Variants in PHACTR2 observed in about 807,000 individuals in gnomAD.
The protein encoded by PHACTR2 is phosphatase and actin regulator 2.
In PHACTR2, 30 loss-of-function variants were observed where a neutral mutation model predicts 76.0. The observed-to-expected ratio is 0.39, with a 90% CI of 0.30 to 0.54. The LOEUF (loss-of-function observed/expected upper bound fraction) is 0.54. Ranked by LOEUF, PHACTR2 falls within the 20% of genes least tolerant of loss-of-function variation. PHACTR2 has a pLI of 0.61. For missense variants in PHACTR2, 696 were observed against 781.1 expected (o/e 0.89, Z 1.30); for synonymous variants, 292 against 292.5 (o/e 1.00, Z 0.02).
Position 143,539,282 on chromosome 6 carries a change from G to A in PHACTR2, c.217+2075G>A, listed in dbSNP as rs943738276. ...TTTCAGCTCAGTTGTCCCATGTGCC[G>A]CAGGATGCTGGCACAGATGTAGAAG... On this transcript the variant is annotated intron_variant, in intron 1 of 11. Coordinates refer to the PHACTR2 transcript ENST00000367584. This position sits in a 1 kb window ranked among gnomAD's most constrained non-coding sequence, Gnocchi z 4.3. 8.5e-5 allele frequency among the ~76,000 whole-genome samples: 13 copies of A among 152,194 alleles called. No homozygotes were observed. The highest frequency in any genetic ancestry group is 1.7e-4 in the African/African-American group (7 of 41,440).
chr6:143,610,848 A>T lies in PHACTR2; in HGVS notation c.13+2526A>T, dbSNP rs59308486. Reference sequence around the variant, plus strand: ...GGAATAACAATAAAATATTTATCAAACTGTGTGTGTGGAATATGTCAGGGC... The same window carrying T: ...GGAATAACAATAAAATATTTATCAATCTGTGTGTGTGGAATATGTCAGGGC... On this transcript the variant is annotated intron_variant, in intron 1 of 11. Transcript: ENST00000305766. The surrounding 1 kb of genome is among the most constrained non-coding windows in gnomAD (Gnocchi z 4.9). Among the ~76,000 whole-genome samples the T allele has an allele frequency of 0.056, 8,475 of 152,046 alleles. 811 individuals carry two copies. Among genetic ancestry groups the T allele is most frequent in the African/African-American group, 0.19 (7,993 of 41,414 alleles).
At chr6:143,773,988 G>A (rs565712258) in intron 7 of PHACTR2, 71 bp from the exon 8 acceptor site, 7 of 1,339,668 alleles carry the variant, frequency 5.2e-6, no homozygotes, top group African/African-American at 2.9e-5. Flanking sequence ...TAAAGTCCAT[G>A]CCATGTGTAA....
Position 143,578,013 on chromosome 6 carries a change from T to C in PHACTR2, c.217+40806T>C, listed in dbSNP as rs1162830054. ...TGTCTAAATCTGGTCCAAGACACTC[T>C]ATCCCCCGTTCGTTTGCCAACACCT... On this transcript the variant is annotated intron_variant, in intron 1 of 11. Transcript: ENST00000367584. The surrounding 1 kb of genome is among the most constrained non-coding windows in gnomAD (Gnocchi z 4.5). Among the ~76,000 whole-genome samples, 3 of 152,224 alleles carry C rather than the reference T, an allele frequency of 2.0e-5. No individual in the cohort carries two copies. The highest frequency in any genetic ancestry group is 7.2e-5 in the African/African-American group (3 of 41,454).
rs1775660028 is a variant in PHACTR2, at chr6:143,589,041, C to T, written c.217+51834C>T. ...TCGTATGAGTTTGCTAGAGCTGCCA[C>T]AACAAAATGCCACAGATTGGGTGGC... On this transcript the variant is annotated intron_variant, in intron 1 of 11. Coordinates refer to the PHACTR2 transcript ENST00000367584. The surrounding 1 kb of genome is among the most constrained non-coding windows in gnomAD (Gnocchi z 4.4). Among the ~76,000 whole-genome samples the T allele has an allele frequency of 6.6e-6, 1 of 152,220 alleles. No individual in the cohort carries two copies. Among genetic ancestry groups the T allele is most frequent in the South Asian group, 2.1e-4 (1 of 4,836 alleles).
Position 143,624,263 on chromosome 6 carries a change from C to T in PHACTR2, c.13+15941C>T, listed in dbSNP as rs1776214643. On this transcript the variant is annotated intron_variant, in intron 1 of 11. Transcript: ENST00000305766. This position sits in a 1 kb window ranked among gnomAD's most constrained non-coding sequence, Gnocchi z 4.6. ...CTGGGATTACAGGTGCCTGCCACCA[C>T]ACCTGACTAATTTTTGTATTTTTAG... is the stretch of plus-strand genomic sequence containing the variant. 1.3e-5 allele frequency among the ~76,000 whole-genome samples: 2 copies of T among 152,088 alleles called. No homozygotes were observed. The highest frequency in any genetic ancestry group is 4.1e-4 in the South Asian group (2 of 4,828).
chr6:143,615,300 G>T (rs1051252888), intron 1 of PHACTR2, among the ~76,000 whole-genome samples: 1 of 152,122 alleles, frequency 6.6e-6, no homozygotes, highest in Non-Finnish European at 1.5e-5. Context: ...GGGATTCTTG[G>T]TCTTTGTGTT....
Position 143,678,187 on chromosome 6 carries a change from G to T in PHACTR2, c.24G>T (p.Thr8=). The change falls in exon 1 of 13, where the codon ACG becomes ACT. Residue 8 remains threonine (T), a synonymous_variant. Coordinates refer to ENST00000440869, the MANE Select transcript of PHACTR2 (RefSeq NM_001100164.2). The surrounding 1 kb of genome is among the most constrained non-coding windows in gnomAD (Gnocchi z 6.2). MGQTSVS[T]LSPQPGSVDG... is the part of the protein sequence containing the mutation. Reference sequence around the variant, plus strand: ...TCATGGGCCAGACCTCGGTGTCCACGCTGTCCCCGCAGCCCGGCAGCGGTG... The same window carrying T: ...TCATGGGCCAGACCTCGGTGTCCACTCTGTCCCCGCAGCCCGGCAGCGGTG... 6.5e-7 allele frequency: 1 copy of T among 1,538,684 alleles called. No homozygotes were observed.
chr6:143,577,514 G>T (rs1207994291), intron 1 of PHACTR2, among the ~76,000 whole-genome samples: 1 of 152,150 alleles, frequency 6.6e-6, no homozygotes, highest in East Asian at 1.9e-4. Context: ...ACTCCAACCA[G>T]GAGAAATGTG....
intron 4 of PHACTR2, among the ~76,000 whole-genome samples, chr6:143,758,199 C>T (rs891366958): frequency 2.0e-5 from 3 of 152,150 alleles, no homozygotes; most frequent in Non-Finnish European, 2.9e-5. Context: ...TCCGGTATAC[C>T]TTTAGAATTT....
At position 143,765,967 on chromosome 6, in the gene PHACTR2, T is replaced by C. The variant is rs1373951770; in HGVS notation, c.1232+169T>C. Among the ~76,000 whole-genome samples, 5 of 152,358 alleles carry C rather than the reference T, an allele frequency of 3.3e-5. No homozygotes were observed. The South Asian group carries it at 6.2e-4, about 19-fold the overall frequency. On this transcript the variant is annotated intron_variant, in intron 6 of 12. Coordinates refer to ENST00000440869, the MANE Select transcript of PHACTR2 (RefSeq NM_001100164.2). The surrounding 1 kb of genome is among the most constrained non-coding windows in gnomAD (Gnocchi z 4.1). Reference sequence around the variant, plus strand: ...CTTTGTCAGAGCCCTGCCCTGGGAATGCCTAGGGCTGCTGGAGAAAATTAC... The same window carrying C: ...CTTTGTCAGAGCCCTGCCCTGGGAACGCCTAGGGCTGCTGGAGAAAATTAC...
At chr6:143,728,788 A>G (rs1040525260) in intron 2 of PHACTR2, among the ~76,000 whole-genome samples, 2 of 152,150 alleles carry the variant, frequency 1.3e-5, no homozygotes, top group Non-Finnish European at 2.9e-5. Flanking sequence ...TCTAAACACA[A>G]AAGAATGAAA....
In PHACTR2 at chr6:143,780,251, T is replaced by C. The variant is rs113130363; in HGVS notation, c.1645+2868T>C. Among the ~76,000 whole-genome samples, 4,001 of 152,296 alleles carry C rather than the reference T, an allele frequency of 0.026. 131 individuals carry two copies. Among genetic ancestry groups the C allele is most frequent in the African/African-American group, 0.078 (3,227 of 41,544 alleles). On this transcript the variant is annotated intron_variant, in intron 9 of 12. Coordinates refer to ENST00000440869, the MANE Select transcript of PHACTR2 (RefSeq NM_001100164.2). This position sits in a 1 kb window ranked among gnomAD's most constrained non-coding sequence, Gnocchi z 4.4. ...AACATCTTGCTTTATGACATATCTATGCATCTGTTGATCCAGCTTTTTTTA... is the reference window on the plus strand; with the variant it reads ...AACATCTTGCTTTATGACATATCTACGCATCTGTTGATCCAGCTTTTTTTA...
At chr6:143,699,376 AG>A (rs1777848185) in intron 1 of PHACTR2, among the ~76,000 whole-genome samples, 1 of 152,184 alleles carries the variant, frequency 6.6e-6, no homozygotes, top group East Asian at 1.9e-4. Context: ...TAAAACAAAC[AG>A]CAAACAAAAC....
In PHACTR2 at chr6:143,547,641, A is replaced by G. The variant is rs1427215442; in HGVS notation, c.217+10434A>G. On this transcript the variant is annotated intron_variant, in intron 1 of 11. Transcript: ENST00000367584. The surrounding 1 kb of genome is among the most constrained non-coding windows in gnomAD (Gnocchi z 4.2). ...TAATAGCAAGGGTTTGAACAAAATG[A>G]ACAAATTTCTATAGTTAGCAATAGA... Among the ~76,000 whole-genome samples the G allele has an allele frequency of 1.3e-5, 2 of 152,230 alleles. No homozygotes were observed. The highest frequency in any genetic ancestry group is 2.9e-5 in the Non-Finnish European group (2 of 68,040).
rs1335301429 is a variant in PHACTR2 at position 143,639,429 on chromosome 6, T to A, written c.13+31107T>A. Among the ~76,000 whole-genome samples, 1 of 152,242 alleles carries A rather than the reference T, an allele frequency of 6.6e-6. No homozygotes were observed. Among genetic ancestry groups the A allele is most frequent in the Non-Finnish European group, 1.5e-5 (1 of 68,036 alleles). ...TGAAAGCATATTCAGAGCCATTTTATAAGTGACACAAGCAAAATAATTCTT... is the reference window on the plus strand; with the variant it reads ...TGAAAGCATATTCAGAGCCATTTTAAAAGTGACACAAGCAAAATAATTCTT... On this transcript the variant is annotated intron_variant, in intron 1 of 11. Transcript: ENST00000305766. The surrounding 1 kb of genome is among the most constrained non-coding windows in gnomAD (Gnocchi z 5.0).
At position 143,750,871 on chromosome 6, in the gene PHACTR2, C is replaced by T. The variant is rs1779168975; in HGVS notation, c.295+1806C>T. Among the ~76,000 whole-genome samples the T allele has an allele frequency of 6.6e-6, 1 of 152,118 alleles. No homozygotes were observed. The highest frequency in any genetic ancestry group is 6.5e-5 in the Admixed American group (1 of 15,276). ...ATAATAGGCTTAATGTTTGAGAAGT[C>T]ATAAAATACTAGATTTTACTTTCCA... On this transcript the variant is annotated intron_variant, in intron 3 of 12. Transcript: ENST00000440869. The surrounding 1 kb of genome is among the most constrained non-coding windows in gnomAD (Gnocchi z 4.6).
Position 143,550,029 on chromosome 6 carries a change from G to A in PHACTR2, c.217+12822G>A, listed in dbSNP as rs1775071881. On this transcript the variant is annotated intron_variant, in intron 1 of 11. Coordinates refer to the PHACTR2 transcript ENST00000367584. The surrounding 1 kb of genome is among the most constrained non-coding windows in gnomAD (Gnocchi z 4.8). Reference sequence around the variant, plus strand: ...GGCTACCATTTTTTGCTAGGTGGGAGTTGGAGTGATATCCCAATGCATCAG... The same window carrying A: ...GGCTACCATTTTTTGCTAGGTGGGAATTGGAGTGATATCCCAATGCATCAG... Among the ~76,000 whole-genome samples the A allele has an allele frequency of 6.6e-6, 1 of 152,044 alleles. No homozygotes were observed. Among genetic ancestry groups the A allele is most frequent in the African/African-American group, 2.4e-5 (1 of 41,440 alleles).
At chr6:143,601,349 T>C (rs973872434) in intron 1 of PHACTR2, among the ~76,000 whole-genome samples, 16 of 152,172 alleles carry the variant, frequency 1.1e-4, no homozygotes, top group Admixed American at 2.0e-4. Context: ...GTCTGATGAA[T>C]TGATTTTCAC....
At chr6:143,718,073 C>T (rs1173299355) in intron 2 of PHACTR2, among the ~76,000 whole-genome samples, 1 of 152,098 alleles carries the variant, frequency 6.6e-6, no homozygotes, top group Non-Finnish European at 1.5e-5. Context: ...GGCAACTTAT[C>T]TTCAATAAAA....
Sources: gnomAD v4.1 joint callset for allele counts (sites outside exome capture counted in the v4.1 genomes callset) on GRCh38, gnomAD v4.1.1 for gene constraint, Gnocchi (gnomAD v3.1) non-coding constraint, MANE v1.5 for transcripts, NCBI Gene and HGNC (gene_info 2026-07-23, HGNC 2026-07-21) for gene names.